DLG2: variants seen among roughly 807,000 people sequenced by gnomAD.
DLG2 encodes the protein discs large MAGUK scaffold protein 2.
A neutral mutation model predicts 132.5 loss-of-function variants in DLG2; 45 were observed. The ratio of observed to expected loss-of-function variants is 0.34; its 90% CI spans 0.27 to 0.44. DLG2 has a LOEUF of 0.44. Among genes scored for constraint, DLG2 ranks in the 20% least tolerant of loss-of-function variants. DLG2 has a pLI of 1.00. For synonymous variants in DLG2, 424 were observed against 419.6 expected (o/e 1.01, Z -0.13); for missense variants, 1,045 against 1,196.9 (o/e 0.87, Z 1.87).
intron 8 of DLG2, among the ~76,000 whole-genome samples, chr11:84,232,009 C>T (rs909541842): frequency 6.6e-6 from 1 of 151,904 alleles, no homozygotes; most frequent in East Asian, 1.9e-4. Context: ...GGTAATTTAC[C>T]ACCAAGATGG....
intron 4 of DLG2, among the ~76,000 whole-genome samples, chr11:85,187,972 T>C (rs1300408384): frequency 6.6e-6 from 1 of 152,132 alleles, no homozygotes; most frequent in Non-Finnish European, 1.5e-5. Flanking sequence ...CTTGATAAGC[T>C]ATTCACACCA....
intron 6 of DLG2, among the ~76,000 whole-genome samples, chr11:84,971,454 TA>T (rs562992565): frequency 1.4e-3 from 219 of 152,216 alleles, no homozygotes; most frequent in African/African-American, 5.1e-3. Context: ...GCACTTAAGA[TA>T]AAAAAACTAT....
At chr11:84,679,785 G>T (rs528746971) in intron 6 of DLG2, among the ~76,000 whole-genome samples, 1 of 152,082 alleles carries the variant, frequency 6.6e-6, no homozygotes, top group Non-Finnish European at 1.5e-5. Context: ...TATAAATATA[G>T]TAAGTTGTAG....
chr11:84,719,349 CTCTT>C (rs2061548705), intron 6 of DLG2, among the ~76,000 whole-genome samples: 1 of 152,184 alleles, frequency 6.6e-6, no homozygotes, highest in Non-Finnish European at 1.5e-5. Flanking sequence ...AAAGCTCTCT[CTCTT>C]TCTCTCTCTC....
intron 10 of DLG2, among the ~76,000 whole-genome samples, chr11:84,060,208 A>G (rs1172255977): frequency 2.0e-5 from 3 of 152,220 alleles, no homozygotes; most frequent in Admixed American, 6.5e-5. Context: ...GCTACTTGGG[A>G]GGCTGAGAAA....
chr11:85,307,672 C>A (rs1388805231), intron 3 of DLG2, among the ~76,000 whole-genome samples: 1 of 152,136 alleles, frequency 6.6e-6, no homozygotes, highest in Admixed American at 6.5e-5. Context: ...CCTGGTCCTG[C>A]CACAGTACTG....
intron 2 of DLG2, among the ~76,000 whole-genome samples, chr11:85,608,878 C>G (rs2080786133): frequency 6.6e-6 from 1 of 152,160 alleles, no homozygotes; most frequent in African/African-American, 2.4e-5. Context: ...AGCTCAAACC[C>G]TGGCCTTTAA....
intron 4 of DLG2, among the ~76,000 whole-genome samples, chr11:85,176,961 T>C (rs938665582): frequency 3.3e-5 from 5 of 152,040 alleles, no homozygotes; most frequent in African/African-American, 1.2e-4. Flanking sequence ...AAACAACAGA[T>C]GCTGGCTTGG....
At chr11:84,980,567 C>T (rs1172865803) in intron 6 of DLG2, among the ~76,000 whole-genome samples, 1 of 152,126 alleles carries the variant, frequency 6.6e-6, no homozygotes, top group South Asian at 2.1e-4. Flanking sequence ...TTCCTAGATG[C>T]CCAGAACCCA....
In DLG2 at chr11:83,888,731, C is replaced by A. The variant is rs562158876; in HGVS notation, c.1497-14243G>T. 8.1e-3 allele frequency among the ~76,000 whole-genome samples: 1,236 copies of A among 152,254 alleles called. 5 individuals carry two copies. The highest frequency in any genetic ancestry group is 0.012 in the Non-Finnish European group (794 of 68,018). ...TACTACAAGGCTACAGTAACCAAAA[C>A]AGCATGGTACTGGTACCAAAACAGA... is the stretch of plus-strand genomic sequence containing the variant. On this transcript the variant is annotated intron_variant, in intron 15 of 27. Transcript: ENST00000376104.
intron 15 of DLG2, among the ~76,000 whole-genome samples, chr11:83,878,424 T>C (rs1295516974): frequency 6.6e-6 from 1 of 152,168 alleles, no homozygotes; most frequent in African/African-American, 2.4e-5. Context: ...TGCTTGCTCC[T>C]CTGAGACAAA....
chr11:83,480,488 T>C (rs1014292242), intron 22 of DLG2: 48 of 1,495,324 alleles, frequency 3.2e-5, no homozygotes, highest in South Asian at 2.3e-4. Flanking sequence ...AATACACTCA[T>C]GCAAGGCTAC....
At chr11:84,257,764 A>G (rs1283898044) in intron 7 of DLG2, among the ~76,000 whole-genome samples, 4 of 142,430 alleles carry the variant, frequency 2.8e-5, no homozygotes, top group African/African-American at 7.9e-5. Context: ...TTGGCTTACC[A>G]CAACCTCTGC....
intron 8 of DLG2, among the ~76,000 whole-genome samples, chr11:84,204,200 G>A (rs373859450): frequency 2.6e-5 from 4 of 152,006 alleles, no homozygotes; most frequent in Non-Finnish European, 5.9e-5. Flanking sequence ...CAGGTGATCC[G>A]CCCACCTCGG....
At chr11:85,044,336 A>G (rs1429282881) in intron 6 of DLG2, among the ~76,000 whole-genome samples, 1 of 151,940 alleles carries the variant, frequency 6.6e-6, no homozygotes, top group African/African-American at 2.4e-5. Context: ...TACCTTTCCT[A>G]TAAATTAAGA....
intron 3 of DLG2, among the ~76,000 whole-genome samples, chr11:85,476,104 A>T (rs1403966061): frequency 6.6e-6 from 1 of 152,130 alleles, no homozygotes; most frequent in Non-Finnish European, 1.5e-5. Context: ...CCTACTACAC[A>T]CTTAGGCTAC....
intron 7 of DLG2, among the ~76,000 whole-genome samples, chr11:84,263,343 C>A (rs1443731096): frequency 6.6e-6 from 1 of 152,062 alleles, no homozygotes; most frequent in Non-Finnish European, 1.5e-5. Flanking sequence ...AAATAAAAGA[C>A]AAAAGTTAAA....
intron 8 of DLG2, among the ~76,000 whole-genome samples, chr11:84,170,551 C>T (rs2095797641): frequency 6.6e-6 from 1 of 152,138 alleles, no homozygotes; most frequent in Admixed American, 6.6e-5. Flanking sequence ...GGTGATTCCA[C>T]CGGCAGTGAG....
At chr11:85,422,371 T>C (rs1208976234) in intron 3 of DLG2, among the ~76,000 whole-genome samples, 2 of 152,160 alleles carry the variant, frequency 1.3e-5, no homozygotes, top group African/African-American at 4.8e-5. Context: ...TTGGAGGCTT[T>C]GTTCATATTT....
Sources: allele counts gnomAD v4.1 joint callset (sites outside exome capture counted in the v4.1 genomes callset), GRCh38; gene constraint gnomAD v4.1.1; transcripts MANE v1.5; gene names NCBI Gene and HGNC (gene_info 2026-07-23, HGNC 2026-07-21).